The following TAFA1 variants were observed in gnomAD, a reference collection of about 807,000 sequenced individuals.
TAFA1 encodes TAFA chemokine like family member 1.
TAFA1 carries 4 observed loss-of-function variants against 18.5 expected under a neutral mutation model. The ratio of observed to expected loss-of-function variants is 0.22; its 90% CI spans 0.11 to 0.49. The LOEUF (loss-of-function observed/expected upper bound fraction) is 0.49, where lower values mean the gene tolerates loss of function less well. Ranked by LOEUF, TAFA1 falls within the 20% of genes least tolerant of loss-of-function variation. TAFA1 has a pLI of 0.98. For missense variants in TAFA1, 147 were observed against 169.0 expected (o/e 0.87, Z 0.72); for synonymous variants, 56 against 55.2 (o/e 1.01, Z -0.06).
upstream of TAFA1, among the ~76,000 whole-genome samples, chr3:68,001,776 G>A (rs889373093): frequency 6.6e-6 from 1 of 152,124 alleles, no homozygotes; most frequent in African/African-American, 2.4e-5. Flanking sequence ...ACTAGATGAT[G>A]CTGCAATAAC....
intron 2 of TAFA1, among the ~76,000 whole-genome samples, chr3:68,168,898 A>G (rs977120335): frequency 1.3e-5 from 2 of 152,178 alleles, no homozygotes; most frequent in Admixed American, 1.3e-4. Context: ...CTTTTGAAGT[A>G]TATTGTCTTT....
intron 3 of TAFA1, among the ~76,000 whole-genome samples, chr3:68,443,740 T>C (rs1172291201): frequency 1.3e-5 from 2 of 152,094 alleles, no homozygotes; most frequent in Non-Finnish European, 2.9e-5. Context: ...TACATGGGAA[T>C]TGTGGGAGTT....
At position 68,266,458 on chromosome 3, in the gene TAFA1, G is replaced by A. The variant is rs370875515; in HGVS notation, c.119-150822G>A. 1.2e-3 allele frequency among the ~76,000 whole-genome samples: 187 copies of A among 152,192 alleles called. 1 individual carries two copies. The highest frequency in any genetic ancestry group is 4.0e-3 in the African/African-American group (166 of 41,536). On this transcript the variant is annotated intron_variant, in intron 2 of 4. Transcript: ENST00000478136. ...TCTGACACCCCTTCACTACCATCCC[G>A]CATGATACTGGCATTTGGTTTGTTT... is the stretch of plus-strand genomic sequence containing the variant.
chr3:68,457,847 T>C (rs547766241), intron 3 of TAFA1, among the ~76,000 whole-genome samples: 1 of 152,290 alleles, frequency 6.6e-6, no homozygotes, highest in South Asian at 2.1e-4. Context: ...TGTGTTCAGC[T>C]TTTTTAGAGT....
chr3:68,429,563 A>C (rs1187931294), intron 3 of TAFA1, among the ~76,000 whole-genome samples: 1 of 151,882 alleles, frequency 6.6e-6, no homozygotes, highest in Non-Finnish European at 1.5e-5. Flanking sequence ...CTAGGAGAAC[A>C]ATAACACCAG....
chr3:68,033,533 T>C (rs1704980622), intron 2 of TAFA1, among the ~76,000 whole-genome samples: 2 of 152,326 alleles, frequency 1.3e-5, no homozygotes, highest in South Asian at 2.1e-4. Context: ...AAGAACATTC[T>C]CCATCCAATT....
At chr3:68,052,060 G>A (rs969235562) in intron 2 of TAFA1, among the ~76,000 whole-genome samples, 1 of 151,960 alleles carries the variant, frequency 6.6e-6, no homozygotes, top group African/African-American at 2.4e-5. Context: ...TGAAAAGTGT[G>A]CAAAGCTATT....
intron 2 of TAFA1, among the ~76,000 whole-genome samples, chr3:68,278,875 C>A (rs999056285): frequency 2.6e-5 from 4 of 152,140 alleles, no homozygotes; most frequent in African/African-American, 9.7e-5. Flanking sequence ...TGCCTATCCA[C>A]ACACCATGGT....
At chr3:68,084,089 C>G (rs2064941417) in intron 2 of TAFA1, among the ~76,000 whole-genome samples, 4 of 152,136 alleles carry the variant, frequency 2.6e-5, no homozygotes, top group Admixed American at 2.6e-4. Flanking sequence ...TGGCTGGGTA[C>G]CCTCAGTTCT....
chr3:68,340,041 T>A (rs1398901171), intron 2 of TAFA1, among the ~76,000 whole-genome samples: 2 of 152,214 alleles, frequency 1.3e-5, no homozygotes, highest in Non-Finnish European at 2.9e-5. Context: ...TGCCTCAGTT[T>A]GTTCTCATAC....
intron 3 of TAFA1, among the ~76,000 whole-genome samples, chr3:68,519,005 C>T (rs2072972878): frequency 6.6e-6 from 1 of 152,170 alleles, no homozygotes; most frequent in South Asian, 2.1e-4. Context: ...CATTCCCAAA[C>T]AGAATGAGTT....
chr3:68,247,578 G>A (rs2067104918), intron 2 of TAFA1: 2 of 152,210 alleles, frequency 1.3e-5, no homozygotes, highest in South Asian at 4.2e-4. Flanking sequence ...CTGTAAGGGT[G>A]GCCGTACTTT....
intron 2 of TAFA1, among the ~76,000 whole-genome samples, chr3:68,259,501 G>T (rs909257998): frequency 3.3e-5 from 5 of 152,052 alleles, no homozygotes; most frequent in Non-Finnish European, 7.4e-5. Flanking sequence ...GATGGGGATG[G>T]CATTGAATCT....
intron 2 of TAFA1, among the ~76,000 whole-genome samples, chr3:68,349,661 A>G (rs956597607): frequency 1.3e-5 from 2 of 152,164 alleles, no homozygotes; most frequent in Admixed American, 6.6e-5. Flanking sequence ...TATCACAAAC[A>G]CTTAACTCTG....
At chr3:68,384,574 T>C (rs1469695088) in intron 2 of TAFA1, among the ~76,000 whole-genome samples, 1 of 152,136 alleles carries the variant, frequency 6.6e-6, no homozygotes, top group Non-Finnish European at 1.5e-5. Context: ...TGAAAAGTGT[T>C]TTACTTACAA....
At chr3:68,353,168 C>T (rs1002747658) in intron 2 of TAFA1, among the ~76,000 whole-genome samples, 2 of 152,044 alleles carry the variant, frequency 1.3e-5, no homozygotes, top group African/African-American at 4.8e-5. Flanking sequence ...TTATCCCCAA[C>T]TCTGATTTTT....
intron 2 of TAFA1, among the ~76,000 whole-genome samples, chr3:68,042,185 A>G (rs1303436792): frequency 1.3e-5 from 2 of 152,102 alleles, no homozygotes; most frequent in Non-Finnish European, 1.5e-5. Context: ...ACCTGCCTTG[A>G]GCCTGTAGGG....
intron 2 of TAFA1, among the ~76,000 whole-genome samples, chr3:68,156,682 A>C (rs1167729833): frequency 6.6e-6 from 1 of 152,196 alleles, no homozygotes; most frequent in Non-Finnish European, 1.5e-5. Flanking sequence ...GGTATTTAAC[A>C]ATGAATATAA....
At chr3:68,472,178 G>C (rs1012206977) in intron 3 of TAFA1, among the ~76,000 whole-genome samples, 3 of 152,140 alleles carry the variant, frequency 2.0e-5, no homozygotes, top group Admixed American at 6.5e-5. Context: ...TTCAAGTATA[G>C]ATAATTGAAT....
Sources: allele counts gnomAD v4.1 joint callset (sites outside exome capture counted in the v4.1 genomes callset), GRCh38; gene constraint gnomAD v4.1.1; transcripts MANE v1.5; gene names NCBI Gene and HGNC (gene_info 2026-07-23, HGNC 2026-07-21).